Variants in KALRN observed in about 807,000 individuals in gnomAD.
KALRN encodes the protein kalirin.
Under a neutral mutation model 353.7 loss-of-function variants are expected in KALRN, and 70 were observed. That is an observed-to-expected ratio of 0.20 (90% CI 0.16 to 0.24). KALRN has a LOEUF of 0.24. KALRN is among the 10% of genes least tolerant of loss of function. The pLI, the probability that KALRN is intolerant of heterozygous loss-of-function variation, is 1.00. For missense variants in KALRN, 2,791 were observed against 3,756.7 expected (o/e 0.74, Z 6.72); for synonymous variants, 1,391 against 1,434.8 (o/e 0.97, Z 0.69).
chr3:124,489,954 A>G (rs9846161), intron 29 of KALRN, among the ~76,000 whole-genome samples: 6,263 of 152,262 alleles, frequency 0.041, 440 homozygotes, highest in African/African-American at 0.14. Context: ...CAAAGGGAGG[A>G]ATTCTAGAAA....
intron 49 of KALRN, among the ~76,000 whole-genome samples, chr3:124,676,327 A>T (rs538438925): frequency 2.0e-5 from 3 of 152,234 alleles, no homozygotes; most frequent in African/African-American, 7.2e-5. Context: ...AGTGGACTGA[A>T]AAAGGTTGTC....
chr3:124,705,822 C>CCCTTCCTTCCTTCCTTCCTCCCTT (rs2062579712), intron 57 of KALRN, among the ~76,000 whole-genome samples: 1 of 144,666 alleles, frequency 6.9e-6, no homozygotes, highest in Non-Finnish European at 1.5e-5. Flanking sequence ...CTTCCTTCCT[C>CCCTTCCTTCCTTCCTTCCTCCCTT]CCTTCCTTCC....
chr3:124,428,304 G>A (rs2093118148), intron 15 of KALRN, among the ~76,000 whole-genome samples: 1 of 152,056 alleles, frequency 6.6e-6, no homozygotes, highest in Non-Finnish European at 1.5e-5. Flanking sequence ...CATTAAGAGA[G>A]GTATAAATAA....
At chr3:124,333,747 G>T (rs1430791259) in intron 8 of KALRN, among the ~76,000 whole-genome samples, 1 of 152,132 alleles carries the variant, frequency 6.6e-6, no homozygotes, top group Non-Finnish European at 1.5e-5. Context: ...AATTAGCCAG[G>T]TGTGGTGGCA....
At chr3:124,059,389 C>CT (rs997079559) in intron 1 of KALRN, among the ~76,000 whole-genome samples, 1,779 of 148,174 alleles carry the variant, frequency 0.012, 29 homozygotes, top group African/African-American at 0.04. Flanking sequence ...AAATACTTAT[C>CT]TTTTTTTTTT....
At chr3:124,482,761 G>A in intron 27 of KALRN, 47 bp from the exon 28 acceptor site, 1 of 1,268,986 alleles carries the variant, frequency 7.9e-7, no homozygotes, top group South Asian at 1.2e-5. Flanking sequence ...TCACACACAT[G>A]CACACACCCC....
intron 14 of KALRN, 96 bp from the exon 15 acceptor site, chr3:124,422,716 C>T (rs2092835588): frequency 1.0e-6 from 1 of 981,822 alleles, no homozygotes; most frequent in Non-Finnish European, 1.5e-6. Flanking sequence ...TGAATAATGG[C>T]TGTTTCCAAA....
intron 1 of KALRN, among the ~76,000 whole-genome samples, chr3:124,058,447 G>A (rs2041740326): frequency 6.6e-6 from 1 of 152,124 alleles, no homozygotes; most frequent in African/African-American, 2.4e-5. Flanking sequence ...AAGCAGAACA[G>A]GTTGTGAACT....
At chr3:124,084,936 G>T (rs1337507464) in intron 1 of KALRN, among the ~76,000 whole-genome samples, 1 of 152,134 alleles carries the variant, frequency 6.6e-6, no homozygotes, top group African/African-American at 2.4e-5. Context: ...CTCCACCTGT[G>T]AGGGCCCCCT....
At chr3:124,602,038 A>G (rs906360093) in intron 34 of KALRN, among the ~76,000 whole-genome samples, 6 of 151,454 alleles carry the variant, frequency 4.0e-5, no homozygotes, top group Admixed American at 3.3e-4. Context: ...AAAAAAAAAA[A>G]AAAAGAAAAG....
intron 23 of KALRN, among the ~76,000 whole-genome samples, 157 bp downstream of exon 23, chr3:124,456,885 C>G (rs1288139065): frequency 6.6e-6 from 1 of 152,202 alleles, no homozygotes; most frequent in Non-Finnish European, 1.5e-5. Flanking sequence ...TGGGTTCCCT[C>G]TGAAGGCTTT....
rs530137657 is a variant in KALRN, at chr3:124,634,230, T to C, written c.5568+277T>C. On this transcript the variant is annotated intron_variant, in intron 36 of 59. Coordinates refer to ENST00000682506, the MANE Select transcript of KALRN (RefSeq NM_001388419.1). ...GTTGATAAAGGGTAATGGCTCTGTC[T>C]TTGGAAGCAGCACATCCTAAAAGGA... 2.0e-5 allele frequency among the ~76,000 whole-genome samples: 3 copies of C among 152,300 alleles called. No individual in the cohort carries two copies. In the South Asian group the frequency reaches 6.2e-4, roughly 32 times the overall value.
intron 1 of KALRN, among the ~76,000 whole-genome samples, chr3:124,153,817 G>C (rs1419785819): frequency 6.6e-6 from 1 of 151,984 alleles, no homozygotes; most frequent in East Asian, 1.9e-4. Flanking sequence ...ATTCTAACTG[G>C]TGTGAGATGT....
At chr3:124,344,460 A>G (rs1160131189) in intron 9 of KALRN, among the ~76,000 whole-genome samples, 1 of 152,272 alleles carries the variant, frequency 6.6e-6, no homozygotes, top group Non-Finnish European at 1.5e-5. Flanking sequence ...AAACACGTGT[A>G]TCATGCAATG....
intron 34 of KALRN, among the ~76,000 whole-genome samples, chr3:124,629,722 G>C (rs1231183917): frequency 6.6e-6 from 1 of 152,022 alleles, no homozygotes; most frequent in Non-Finnish European, 1.5e-5. Context: ...GTCCATACCA[G>C]CCCTCTGGCA....
At chr3:124,133,435 T>A (rs56702731) in intron 1 of KALRN, among the ~76,000 whole-genome samples, 4,835 of 152,292 alleles carry the variant, frequency 0.032, 239 homozygotes, top group African/African-American at 0.11. Context: ...TTTCAGAAGT[T>A]CAAAAATGTT....
chr3:124,087,331 T>C (rs1404034200), intron 1 of KALRN, among the ~76,000 whole-genome samples: 18 of 152,204 alleles, frequency 1.2e-4, no homozygotes, highest in Admixed American at 1.2e-3. Context: ...AATTTCTTTT[T>C]ATAATTCAAG....
chr3:124,325,488 TG>T, intron 6 of KALRN, among the ~76,000 whole-genome samples: 1 of 152,322 alleles, frequency 6.6e-6, no homozygotes, highest in Non-Finnish European at 1.5e-5. Flanking sequence ...GTGGAATTAC[TG>T]TGTCTCCTTT....
At chr3:124,129,103 G>A (rs1450862637) in intron 1 of KALRN, among the ~76,000 whole-genome samples, 1 of 152,128 alleles carries the variant, frequency 6.6e-6, no homozygotes, top group Non-Finnish European at 1.5e-5. Context: ...TCATATTTGG[G>A]TGTTCCTAAG....
Sources: allele counts gnomAD v4.1 joint callset (sites outside exome capture counted in the v4.1 genomes callset), GRCh38; gene constraint gnomAD v4.1.1; transcripts MANE v1.5; gene names NCBI Gene and HGNC (gene_info 2026-07-23, HGNC 2026-07-21).